CELF2: variants seen among roughly 807,000 people sequenced by gnomAD.
CELF2 encodes CUG triplet repeat RNA-binding protein 2.
A neutral mutation model predicts 62.6 loss-of-function variants in CELF2; 8 were observed. The ratio of observed to expected loss-of-function variants is 0.13; its 90% CI spans 0.07 to 0.23. The LOEUF (loss-of-function observed/expected upper bound fraction) is 0.23, where lower values mean the gene tolerates loss of function less well. Among genes scored for constraint, CELF2 ranks in the 10% least tolerant of loss-of-function variants. The probability of loss-of-function intolerance (pLI) is 1.00; values close to 1 mark genes in which losing one functional copy is unlikely to be tolerated. For missense variants in CELF2, 333 were observed against 671.0 expected (o/e 0.50, Z 5.56); for synonymous variants, 258 against 250.0 (o/e 1.03, Z -0.30).
At chr10:11,320,604 T>C (rs79687605) in intron 10 of CELF2, among the ~76,000 whole-genome samples, 11,551 of 151,952 alleles carry the variant, frequency 0.076, 576 homozygotes, top group Non-Finnish European at 0.11. Flanking sequence ...ATTCAGCTGT[T>C]TAGAAAGTCC....
the CELF2 span, among the ~76,000 whole-genome samples, chr10:10,699,116 A>G: frequency 2.6e-3 from 389 of 152,258 alleles, 5 homozygotes; most frequent in South Asian, 9.3e-3. Context: ...TTCTCACAGA[A>G]TTTTTTTGAG....
the CELF2 span, among the ~76,000 whole-genome samples, chr10:10,578,598 C>G: frequency 2.0e-5 from 3 of 152,084 alleles, no homozygotes; most frequent in Non-Finnish European, 4.4e-5. Flanking sequence ...AAAGGGAGAA[C>G]ATATTGGTAT....
chr10:11,250,058 A>AT (rs2076685403), intron 4 of CELF2, among the ~76,000 whole-genome samples: 1 of 152,234 alleles, frequency 6.6e-6, no homozygotes, highest in African/African-American at 2.4e-5. Flanking sequence ...GTATCTGCAA[A>AT]TGTAAATTAT....
At chr10:11,281,754 T>C (rs1055906640) in intron 8 of CELF2, among the ~76,000 whole-genome samples, 3 of 152,176 alleles carry the variant, frequency 2.0e-5, no homozygotes, top group Non-Finnish European at 4.4e-5. Flanking sequence ...AAAAAATATA[T>C]ATGTATGTTA....
the CELF2 span, among the ~76,000 whole-genome samples, chr10:10,743,168 G>A: frequency 6.6e-6 from 1 of 152,154 alleles, no homozygotes; most frequent in Admixed American, 6.5e-5. Flanking sequence ...CTCATAGTGT[G>A]TTCATTTTTA....
chr10:10,835,087 T>C (rs1173980673), intron 1 of CELF2, among the ~76,000 whole-genome samples: 1 of 152,164 alleles, frequency 6.6e-6, no homozygotes, highest in East Asian at 1.9e-4. Context: ...ACTGGAGCAT[T>C]AGCCTCCTCA....
rs951314848 is a variant in CELF2, at chr10:11,324,091, T to C, written c.1295-1745T>C. Among the ~76,000 whole-genome samples, 1 of 152,202 alleles carries C rather than the reference T, an allele frequency of 6.6e-6. No homozygotes were observed. The highest frequency in any genetic ancestry group is 2.4e-5 in the African/African-American group (1 of 41,462). On this transcript the variant is annotated intron_variant, in intron 11 of 12. Transcript: ENST00000633077. The surrounding 1 kb of genome is among the most constrained non-coding windows in gnomAD (Gnocchi z 4.7). ...ACCTACTTGTGTGCGTTTACTGGTC[T>C]CTCTGTTTCCTTGGTCTCTGTTGGG... is the stretch of plus-strand genomic sequence containing the variant.
intron 1 of CELF2, among the ~76,000 whole-genome samples, chr10:11,126,036 C>T (rs1356194173): frequency 6.6e-6 from 1 of 152,182 alleles, no homozygotes; most frequent in African/African-American, 2.4e-5. Context: ...GTTCACTTGA[C>T]GTAAAATACT....
chr10:10,984,400 A>G (rs1305918728), intron 2 of CELF2, among the ~76,000 whole-genome samples: 8 of 152,348 alleles, frequency 5.3e-5, no homozygotes, highest in Admixed American at 4.6e-4. Context: ...TTATTTAACA[A>G]TCTACAGTTA....
chr10:11,051,749 G>C (rs934250402), intron 1 of CELF2, among the ~76,000 whole-genome samples: 2 of 152,148 alleles, frequency 1.3e-5, no homozygotes, highest in Non-Finnish European at 2.9e-5. Context: ...GCTGGTCAAG[G>C]AAGGCTTCAC....
chr10:11,217,459 T>G lies in CELF2; in HGVS notation c.306T>G (p.Ala102=). The change falls in exon 3 of 13, where the codon GCT becomes GCG. Residue 102 remains alanine, a synonymous_variant. Transcript: ENST00000633077. The surrounding 1 kb of genome is among the most constrained non-coding windows in gnomAD (Gnocchi z 5.6). ...TCGTAACATTTTATACAAGAAAAGCTGCACTTGAGGCCCAGAATGCACTGC... is the reference window on the plus strand; with the variant it reads ...TCGTAACATTTTATACAAGAAAAGCGGCACTTGAGGCCCAGAATGCACTGC... ...CCFVTFYTRK[A]ALEAQNALHN... 8 of 1,613,442 alleles carry G rather than the reference T, an allele frequency of 5.0e-6. No homozygotes were observed. Among genetic ancestry groups the G allele is most frequent in the Non-Finnish European group, 6.8e-6 (8 of 1,179,520 alleles).
At chr10:10,703,581 G>A in the CELF2 span, among the ~76,000 whole-genome samples, 2 of 152,224 alleles carry the variant, frequency 1.3e-5, no homozygotes, top group Admixed American at 1.3e-4. Flanking sequence ...AATTAAAGCA[G>A]AATGTCTAGA....
chr10:10,508,114 T>C, the CELF2 span, among the ~76,000 whole-genome samples: 1 of 152,006 alleles, frequency 6.6e-6, no homozygotes, highest in Non-Finnish European at 1.5e-5. Context: ...CGTCTTGGAC[T>C]GGTTTATACT....
At chr10:10,489,401 A>G in the CELF2 span, among the ~76,000 whole-genome samples, 1 of 151,998 alleles carries the variant, frequency 6.6e-6, no homozygotes, top group Admixed American at 6.6e-5. Context: ...TTAAAACTAG[A>G]CTACATTTTT....
At chr10:11,286,194 G>T (rs1200186515) in intron 8 of CELF2, among the ~76,000 whole-genome samples, 1 of 152,222 alleles carries the variant, frequency 6.6e-6, no homozygotes, top group Non-Finnish European at 1.5e-5. Flanking sequence ...GGCCAGCTGA[G>T]CCAGGCCATC....
At chr10:11,130,570 C>T (rs933929613) in intron 1 of CELF2, among the ~76,000 whole-genome samples, 2 of 152,208 alleles carry the variant, frequency 1.3e-5, no homozygotes, top group Non-Finnish European at 2.9e-5. Context: ...TTTGTATTAA[C>T]GGCTTTGAGT....
In CELF2 at chr10:11,242,312, A is replaced by G. The variant is rs558350800; in HGVS notation, c.355-6841A>G. 3.9e-5 allele frequency among the ~76,000 whole-genome samples: 6 copies of G among 152,308 alleles called. No individual in the cohort carries two copies. The highest frequency in any genetic ancestry group is 1.4e-4 in the African/African-American group (6 of 41,550). On this transcript the variant is annotated intron_variant, in intron 3 of 12. Coordinates refer to ENST00000633077, the MANE Select transcript of CELF2 (RefSeq NM_001326342.2). This position sits in a 1 kb window ranked among gnomAD's most constrained non-coding sequence, Gnocchi z 4.8. The stretch of plus-strand genomic sequence containing the variant: ...TGATGGCTGGGGTTCAACAAGTTCC[A>G]ACATGAGTTCTCCTGTGTGTGAGGA...
intron 2 of CELF2, among the ~76,000 whole-genome samples, chr10:10,969,033 G>T (rs2050465415): frequency 6.6e-6 from 1 of 152,186 alleles, no homozygotes; most frequent in Non-Finnish European, 1.5e-5. Context: ...TAACAGCTAA[G>T]ATTATGATTG....
In CELF2 at chr10:11,328,314, A is replaced by AAAATCAAGTATGAGTGAGTTAT. The variant is rs1209930234; in HGVS notation, c.1439-611_1439-590dup. 1.3e-5 allele frequency among the ~76,000 whole-genome samples: 2 copies of AAAATCAAGTATGAGTGAGTTAT among 152,244 alleles called. No individual in the cohort carries two copies. The highest frequency in any genetic ancestry group is 4.8e-5 in the African/African-American group (2 of 41,458). On this transcript the variant is annotated intron_variant, in intron 12 of 12. Coordinates refer to ENST00000633077, the MANE Select transcript of CELF2 (RefSeq NM_001326342.2). The surrounding 1 kb of genome is among the most constrained non-coding windows in gnomAD (Gnocchi z 6.4). ...CCTTGGTATTAACTCCAAATGGGTAAAAATCAAGTATGAGTGAGTTATTCT... is the reference window on the plus strand; with the variant it reads ...CCTTGGTATTAACTCCAAATGGGTAAAAATCAAGTATGAGTGAGTTATAAATCAAGTATGAGTGAGTTATTCT...
Sources: gnomAD v4.1 joint callset for allele counts (sites outside exome capture counted in the v4.1 genomes callset) on GRCh38, gnomAD v4.1.1 for gene constraint, Gnocchi (gnomAD v3.1) non-coding constraint, MANE v1.5 for transcripts, NCBI Gene and HGNC (gene_info 2026-07-23, HGNC 2026-07-21) for gene names.